The following PGAM1 variants were observed in gnomAD, a reference collection of about 807,000 sequenced individuals.
PGAM1 encodes the protein phosphoglycerate mutase 1.
In PGAM1, 21 loss-of-function variants were observed where a neutral mutation model predicts 23.5. That is an observed-to-expected ratio of 0.89 (90% CI 0.63 to 1.29). PGAM1 has a LOEUF of 1.29. PGAM1 is among the 50% of genes most tolerant of loss of function. The probability of loss-of-function intolerance (pLI) is 0.00; values close to 1 mark genes in which losing one functional copy is unlikely to be tolerated. For missense variants in PGAM1, 232 were observed against 336.3 expected (o/e 0.69, Z 2.42); for synonymous variants, 109 against 128.6 (o/e 0.85, Z 1.03).
At chr10:97,429,134 C>T (rs1212083764) in intron 1 of PGAM1, among the ~76,000 whole-genome samples, 2 of 129,164 alleles carry the variant, frequency 1.5e-5, no homozygotes, top group Admixed American at 9.3e-5. Context: ...GACAGAGTCT[C>T]GCTCTATCGC....
Position 97,431,005 on chromosome 10 carries a change from T to G in PGAM1, c.465T>G (p.Ser155Arg). 2.5e-6 allele frequency: 4 copies of G among 1,613,796 alleles called. No individual in the cohort carries two copies. Among genetic ancestry groups the G allele is most frequent in the Non-Finnish European group, 3.4e-6 (4 of 1,179,866 alleles). The change falls in exon 3 of 4, where the codon AGT (serine) becomes AGG (arginine). Residue 155 changes from serine (S) to arginine (R), a missense_variant. By Grantham distance (110) the Ser-to-Arg change is moderately radical. Around this residue, in one of 3 missense-constraint regions of PGAM1, gnomAD observed 191 missense variants for 241.7 expected, o/e 0.79. Transcript: ENST00000334828. ...AAGATCAGCTACCCTCCTGTGAGAG[T>G]CTGAAGGATACTATTGCCAGAGCTC... is the stretch of plus-strand genomic sequence containing the variant. ...LTEDQLPSCE[S>R]LKDTIARALP...
At chr10:97,431,658 T>C (rs537640509) in intron 3 of PGAM1, among the ~76,000 whole-genome samples, 3 of 152,068 alleles carry the variant, frequency 2.0e-5, no homozygotes, top group Non-Finnish European at 4.4e-5. Context: ...GCCTGTACTA[T>C]CAGCACCTTG....
At chr10:97,432,165 TTTTCAG>T (rs1429067604) in intron 3 of PGAM1, among the ~76,000 whole-genome samples, 184 bp from the exon 4 acceptor site, 2 of 152,208 alleles carry the variant, frequency 1.3e-5, no homozygotes, top group Non-Finnish European at 2.9e-5. Flanking sequence ...CTTTTCTTGC[TTTTCAG>T]TTTAATGGCT....
At chr10:97,427,178 C>T (rs1564782811) in intron 1 of PGAM1, 1 of 616,888 alleles carries the variant, frequency 1.6e-6, no homozygotes, top group Non-Finnish European at 2.0e-6. Context: ...TGCCTTAAAG[C>T]AGCTGTAACC....
rs1356927694 is a variant in PGAM1 at position 97,430,598 on chromosome 10, A to C, written c.359A>C (p.Asp120Ala). 6.2e-7 allele frequency: 1 copy of C among 1,602,004 alleles called. No individual in the cohort carries two copies. Among genetic ancestry groups the C allele is most frequent in the East Asian group, 2.2e-5 (1 of 44,878 alleles). ...GTGAAGATCTGGAGGCGCTCCTATG[A>C]TGTCCCACCACCTCCGATGGAGCCC... ...AQVKIWRRSY[D>A]VPPPPMEPDH... Residue 120 changes from aspartate (D) to alanine (A), a missense_variant, in exon 2 of 4, where the codon GAT (aspartate) becomes GCT (alanine). Coordinates refer to ENST00000334828, the MANE Select transcript of PGAM1 (RefSeq NM_002629.4).
intron 1 of PGAM1, chr10:97,427,406 A>G (rs1845422529): frequency 2.0e-6 from 2 of 1,007,392 alleles, no homozygotes; most frequent in Non-Finnish European, 2.4e-6. Flanking sequence ...GAATGATTCG[A>G]GTTGCTCCTT....
intron 1 of PGAM1, chr10:97,427,188 C>G: frequency 1.3e-6 from 1 of 752,954 alleles, no homozygotes; most frequent in Non-Finnish European, 1.6e-6. Context: ...CAGCTGTAAC[C>G]AAGGCCTCTC....
At chr10:97,432,033 T>A (rs1332226702) in intron 3 of PGAM1, among the ~76,000 whole-genome samples, 1 of 152,210 alleles carries the variant, frequency 6.6e-6, no homozygotes, top group Non-Finnish European at 1.5e-5. Flanking sequence ...TTTGGTTGGA[T>A]GGGCTGTACA....
chr10:97,426,516 T>G, intron 1 of PGAM1, 70 bp downstream of exon 1: 3 of 1,485,866 alleles, frequency 2.0e-6, no homozygotes, highest in Non-Finnish European at 2.7e-6. Flanking sequence ...GGCTGGCGTC[T>G]GCGCCCTCTC....
intron 1 of PGAM1, chr10:97,427,477 G>T: frequency 9.7e-7 from 1 of 1,025,826 alleles, no homozygotes; most frequent in Non-Finnish European, 1.2e-6. Context: ...CTTTATAGTT[G>T]GGAAAAGTGA....
Position 97,432,425 on chromosome 10 carries a change from G to C in PGAM1, c.666G>C (p.Lys222Asn). 2 of 1,610,740 alleles carry C rather than the reference G, an allele frequency of 1.2e-6. No individual in the cohort carries two copies. Among genetic ancestry groups the C allele is most frequent in the Non-Finnish European group, 8.5e-7 (1 of 1,178,790 alleles). ...TGIPIVYELD[K>N]NLKPIKPMQF... ...TTCCCATTGTCTATGAATTGGACAA[G>C]AACTTGAAGCCTATCAAGCCCATGC... The change falls in exon 4 of 4, where the codon AAG becomes AAC. Residue 222 changes from lysine to asparagine, a missense_variant. Physicochemically the swap from Lys to Asn is moderately conservative, Grantham distance 94. Around this residue, in one of 3 missense-constraint regions of PGAM1, gnomAD observed 191 missense variants for 241.7 expected, o/e 0.79. Transcript: ENST00000334828.
chr10:97,431,752 G>A (rs1270305231), intron 3 of PGAM1, among the ~76,000 whole-genome samples: 1 of 151,354 alleles, frequency 6.6e-6, no homozygotes, highest in Non-Finnish European at 1.5e-5. Flanking sequence ...AGCTTGATGT[G>A]GTGATGCTCA....
rs1282446770 is a variant in PGAM1, at chr10:97,430,520, G to T, written c.281G>T (p.Gly94Val). Residue 94 changes from glycine to valine, a missense_variant, in exon 2 of 4, where the codon GGT becomes GTT. Physicochemically the swap from Gly to Val is moderately radical, Grantham distance 109. This residue lies in a region of PGAM1 where 191 missense variants were observed against 241.7 expected (regional missense o/e 0.79). Transcript: ENST00000334828. ...CGCCTCAATGAGCGGCACTATGGGG[G>T]TCTAACCGGTCTCAATAAAGCAGAA... ...TWRLNERHYG[G>V]LTGLNKAETA... 1.3e-5 allele frequency: 21 copies of T among 1,600,884 alleles called. No individual in the cohort carries two copies. The highest frequency in any genetic ancestry group is 1.5e-5 in the Non-Finnish European group (18 of 1,179,812).
chr10:97,430,164 G>A (rs1194914405), intron 1 of PGAM1, among the ~76,000 whole-genome samples: 1 of 152,112 alleles, frequency 6.6e-6, no homozygotes, highest in Non-Finnish European at 1.5e-5. Context: ...GTTGGATTCT[G>A]GAGTCCCACA....
chr10:97,427,463 G>A (rs1845423023), intron 1 of PGAM1: 2 of 1,026,996 alleles, frequency 1.9e-6, no homozygotes, highest in Non-Finnish European at 2.3e-6. Context: ...TCTTTCCAAG[G>A]CCCCTTTATA....
At chr10:97,428,095 C>G (rs1381579142) in intron 1 of PGAM1, among the ~76,000 whole-genome samples, 1 of 152,118 alleles carries the variant, frequency 6.6e-6, no homozygotes, top group African/African-American at 2.4e-5. Context: ...GTGGTAGTTT[C>G]CCAATGACTA....
intron 3 of PGAM1, among the ~76,000 whole-genome samples, chr10:97,431,789 T>C (rs1845474042): frequency 6.6e-6 from 1 of 151,988 alleles, no homozygotes; most frequent in Admixed American, 6.6e-5. Context: ...CTCAGGAGGC[T>C]GAGGCGGGAG....
At chr10:97,427,277 C>G in intron 1 of PGAM1, 1 of 986,402 alleles carries the variant, frequency 1.0e-6, no homozygotes, top group Non-Finnish European at 1.2e-6. Context: ...CCTGGGGGTG[C>G]CTAACAAGCC....
chr10:97,427,753 C>T, intron 1 of PGAM1: 1 of 1,282,304 alleles, frequency 7.8e-7, no homozygotes, highest in Non-Finnish European at 1.0e-6. Flanking sequence ...TGAAGAGGTG[C>T]TTCCGCTGAT....
Sources: gnomAD v4.1 joint callset for allele counts (sites outside exome capture counted in the v4.1 genomes callset) on GRCh38, gnomAD v4.1.1 for gene constraint, gnomAD v4.1.1 regional missense constraint, MANE v1.5 for transcripts, NCBI Gene and HGNC (gene_info 2026-07-23, HGNC 2026-07-21) for gene names.